The following PCDHGB4 variants were observed in gnomAD, a reference collection of about 807,000 sequenced individuals.
The protein encoded by PCDHGB4 is protocadherin gamma subfamily B, 4.
In PCDHGB4, 38 loss-of-function variants were observed where a neutral mutation model predicts 60.5. That is an observed-to-expected ratio of 0.63 (90% CI 0.48 to 0.82). PCDHGB4 has a LOEUF of 0.82. Among genes scored for constraint, PCDHGB4 ranks in the 40% least tolerant of loss-of-function variants. The pLI, the probability that PCDHGB4 is intolerant of heterozygous loss-of-function variation, is 0.00. For missense variants in PCDHGB4, 1,109 were observed against 1,209.6 expected (o/e 0.92, Z 1.23); for synonymous variants, 456 against 509.7 (o/e 0.89, Z 1.42).
chr5:141,469,753 T>C (rs564585597), intron 1 of PCDHGB4, among the ~76,000 whole-genome samples: 1 of 152,322 alleles, frequency 6.6e-6, no homozygotes, highest in East Asian at 1.9e-4. Flanking sequence ...ATTACAAAAA[T>C]ACATATATAC....
In PCDHGB4 at chr5:141,403,112, C is replaced by CT. The variant is rs765071462; in HGVS notation, c.2397+12832dup. The CT allele has an allele frequency of 3.1e-6, 5 of 1,614,074 alleles. No individual in the cohort carries two copies. In the South Asian group the frequency reaches 5.5e-5, roughly 18 times the overall value. On this transcript the variant is annotated intron_variant, in intron 1 of 3. Transcript: ENST00000519479. Reference sequence around the variant, plus strand: ...GGGCAACATCTCCAAGGACCTGGCTCTGGAGCCCCGGGAGCTGGCGGAGCG... The same window carrying CT: ...GGGCAACATCTCCAAGGACCTGGCTCTTGGAGCCCCGGGAGCTGGCGGAGCG...
chr5:141,401,730 T>C (rs1448734124), intron 1 of PCDHGB4, among the ~76,000 whole-genome samples: 4 of 152,204 alleles, frequency 2.6e-5, no homozygotes, highest in African/African-American at 4.8e-5. Context: ...ACTACTAGTC[T>C]TGTGTACATA....
intron 1 of PCDHGB4, chr5:141,423,421 G>A (rs772863950): frequency 1.2e-6 from 2 of 1,614,080 alleles, no homozygotes; most frequent in Non-Finnish European, 1.7e-6. Flanking sequence ...TTCTGAAGGC[G>A]GGTTGGCAGG....
Position 141,415,740 on chromosome 5 carries a change from GTTTTTTTTTTTTTTTT to G in PCDHGB4, c.2397+25476_2397+25491del, listed in dbSNP as rs57426385. 54 of 625,040 alleles carry G rather than the reference GTTTTTTTTTTTTTTTT, an allele frequency of 8.6e-5. 1 individual carries two copies. The East Asian group carries it at 1.4e-3, about 16-fold the overall frequency. The allele number at this position is 625,040 out of a possible 1,614,324, so 38.7% of individuals were successfully genotyped here. ...TGAGTAGAATTTGATGTTTATTAAG[GTTTTTTTTTTTTTTTT>G]TTTTTTTTTTTTTTTTACTTTCTGG... On this transcript the variant is annotated intron_variant, in intron 1 of 3. Transcript: ENST00000519479.
At chr5:141,500,721 ATG>A (rs1209024560) in intron 2 of PCDHGB4, among the ~76,000 whole-genome samples, 1 of 152,088 alleles carries the variant, frequency 6.6e-6, no homozygotes, top group African/African-American at 2.4e-5. Context: ...GAATTTCCCC[ATG>A]TCTTTCAAAA....
chr5:141,409,256 C>G (rs1212394349), intron 1 of PCDHGB4: 2 of 1,613,918 alleles, frequency 1.2e-6, no homozygotes, highest in African/African-American at 2.7e-5. Context: ...CATCACTTCT[C>G]TCTCTGATCA....
intron 1 of PCDHGB4, among the ~76,000 whole-genome samples, chr5:141,401,128 G>C (rs1271194736): frequency 6.6e-6 from 1 of 152,166 alleles, no homozygotes; most frequent in African/African-American, 2.4e-5. Context: ...TGGATCACAT[G>C]GTCAGGAGTT....
At chr5:141,415,737 A>G in intron 1 of PCDHGB4, 1 of 574,948 alleles carries the variant, frequency 1.7e-6, no homozygotes, top group Non-Finnish European at 2.5e-6. Flanking sequence ...GATGTTTATT[A>G]AGGTTTTTTT....
intron 1 of PCDHGB4, chr5:141,423,979 G>A: frequency 9.0e-7 from 1 of 1,115,484 alleles, no homozygotes. Flanking sequence ...CAGTGTATGA[G>A]GCTCTCAATT....
At chr5:141,418,066 C>T (rs777602456) in intron 1 of PCDHGB4, 1 of 1,613,980 alleles carries the variant, frequency 6.2e-7, no homozygotes, top group Non-Finnish European at 8.5e-7. Flanking sequence ...TGCGAGTGAG[C>T]GCGGAGAAGC....
At chr5:141,501,470 TG>T (rs1206698871) in intron 2 of PCDHGB4, among the ~76,000 whole-genome samples, 1 of 152,068 alleles carries the variant, frequency 6.6e-6, no homozygotes, top group African/African-American at 2.4e-5. Flanking sequence ...CCCCAAATCC[TG>T]GAAGAGTCCC....
intron 1 of PCDHGB4, chr5:141,395,109 A>C (rs1181706209): frequency 6.2e-7 from 1 of 1,614,210 alleles, no homozygotes; most frequent in Non-Finnish European, 8.5e-7. Flanking sequence ...CTCGCGGAAG[A>C]GTCACCTGAT....
chr5:141,454,101 A>T (rs2098781558), intron 1 of PCDHGB4, among the ~76,000 whole-genome samples: 1 of 152,256 alleles, frequency 6.6e-6, no homozygotes. Flanking sequence ...ATTGAACATA[A>T]ATGGAGTTAT....
In PCDHGB4 at chr5:141,422,942, G is replaced by T. The variant is rs199976232; in HGVS notation, c.2397+32661G>T. On this transcript the variant is annotated intron_variant, in intron 1 of 3. Transcript: ENST00000519479. Reference sequence around the variant, plus strand: ...CTGTACCCTGCCCTCCCCACAGACGGCTCCACTGGCGTGGAGCTGGCGCCC... The same window carrying T: ...CTGTACCCTGCCCTCCCCACAGACGTCTCCACTGGCGTGGAGCTGGCGCCC... The T allele has an allele frequency of 3.6e-4, 583 of 1,614,096 alleles. 1 individual carries two copies. Among genetic ancestry groups the T allele is most frequent in the South Asian group, 5.2e-4 (47 of 91,090 alleles).
At position 141,491,267 on chromosome 5, in the gene PCDHGB4, A is replaced by C. The variant is rs1376540913; in HGVS notation, c.2398-3540A>C. ...GATGAGGACCCTGAGGAAATGCCCA[A>C]ATCCAGTGACTTCCTCATACACCCT... On this transcript the variant is annotated intron_variant, in intron 1 of 3. Coordinates refer to ENST00000519479, the MANE Select transcript of PCDHGB4 (RefSeq NM_003736.4). This position sits in a 1 kb window ranked among gnomAD's most constrained non-coding sequence, Gnocchi z 6.9. The C allele has an allele frequency of 2.5e-6, 4 of 1,613,944 alleles. No individual in the cohort carries two copies. The highest frequency in any genetic ancestry group is 3.4e-6 in the Non-Finnish European group (4 of 1,179,936).
At chr5:141,398,827 G>A in intron 1 of PCDHGB4, 1 of 1,613,982 alleles carries the variant, frequency 6.2e-7, no homozygotes, top group East Asian at 2.2e-5. Flanking sequence ...CCAGGTAACC[G>A]ACGCCAATGA....
At chr5:141,414,472 A>C (rs1039987036) in intron 1 of PCDHGB4, 5 of 1,613,796 alleles carry the variant, frequency 3.1e-6, no homozygotes, top group African/African-American at 1.3e-5. Flanking sequence ...AGATGGGGGA[A>C]GTCCTCCTCT....
At position 141,454,320 on chromosome 5, in the gene PCDHGB4, C is replaced by T. The variant is rs140074578; in HGVS notation, c.2398-40487C>T. ...CAGATATTTCAAAGCATTGAAACCTCCAAGAATAAATAAAATGTTGGAAGT... is the reference window on the plus strand; with the variant it reads ...CAGATATTTCAAAGCATTGAAACCTTCAAGAATAAATAAAATGTTGGAAGT... On this transcript the variant is annotated intron_variant, in intron 1 of 3. Coordinates refer to ENST00000519479, the MANE Select transcript of PCDHGB4 (RefSeq NM_003736.4). Among the ~76,000 whole-genome samples, 592 of 152,266 alleles carry T rather than the reference C, an allele frequency of 3.9e-3. 6 individuals are homozygous for T. Among genetic ancestry groups the T allele is most frequent in the Admixed American group, 0.011 (171 of 15,288 alleles).
In PCDHGB4 at chr5:141,419,984, C is replaced by A. The variant is rs918632592; in HGVS notation, c.2397+29703C>A. ...TGTGCTCTTTCTCCTCGCGGTGATT[C>A]TAGCTATTGCTCTACGCCTGCGACA... On this transcript the variant is annotated intron_variant, in intron 1 of 3. Transcript: ENST00000519479. 27 of 1,613,962 alleles carry A rather than the reference C, an allele frequency of 1.7e-5. No individual in the cohort carries two copies. The highest frequency in any genetic ancestry group is 2.2e-5 in the Non-Finnish European group (26 of 1,179,912).
Sources: allele counts gnomAD v4.1 joint callset (sites outside exome capture counted in the v4.1 genomes callset), GRCh38; gene constraint gnomAD v4.1.1; non-coding constraint Gnocchi (gnomAD v3.1); transcripts MANE v1.5; gene names NCBI Gene and HGNC (gene_info 2026-07-23, HGNC 2026-07-21).